Variants in LRP1B observed in about 807,000 individuals in gnomAD.
LRP1B encodes the protein low-density lipoprotein receptor-related protein 1B.
LRP1B carries 217 observed loss-of-function variants against 556.6 expected under a neutral mutation model. That is an observed-to-expected ratio of 0.39 (90% CI 0.35 to 0.44). LRP1B has a LOEUF of 0.44. LRP1B is among the 20% of genes least tolerant of loss of function. The probability of loss-of-function intolerance (pLI) is 1.00; values close to 1 mark genes in which losing one functional copy is unlikely to be tolerated. For synonymous variants in LRP1B, 2,047 were observed against 1,865.8 expected (o/e 1.10, Z -2.50); for missense variants, 5,053 against 5,620.8 (o/e 0.90, Z 3.23).
chr2:141,307,031 T>C (rs1003943345), intron 3 of LRP1B, among the ~76,000 whole-genome samples: 2 of 152,204 alleles, frequency 1.3e-5, no homozygotes, highest in Non-Finnish European at 2.9e-5. Context: ...AAATATGGTC[T>C]ATCTGGAGAA....
intron 2 of LRP1B, among the ~76,000 whole-genome samples, chr2:141,557,256 G>A (rs189090509): frequency 5.3e-5 from 8 of 151,740 alleles, no homozygotes; most frequent in East Asian, 1.9e-4. Context: ...AAACAACAAC[G>A]AAACGAAGAG....
chr2:140,424,548 T>C (rs1407785940), intron 66 of LRP1B, among the ~76,000 whole-genome samples: 1 of 152,228 alleles, frequency 6.6e-6, no homozygotes, highest in Admixed American at 6.5e-5. Context: ...TTTTAATAGA[T>C]GACCATCTCC....
At chr2:141,976,199 A>G (rs1222467927) in intron 1 of LRP1B, among the ~76,000 whole-genome samples, 4 of 152,146 alleles carry the variant, frequency 2.6e-5, no homozygotes, top group Non-Finnish European at 5.9e-5. Flanking sequence ...TGGAACATAT[A>G]GGAATATTTT....
chr2:140,547,196 C>G (rs2105036845), intron 43 of LRP1B, among the ~76,000 whole-genome samples: 1 of 152,192 alleles, frequency 6.6e-6, no homozygotes, highest in African/African-American at 2.4e-5. Context: ...TTCCCTCCTC[C>G]TCAATTTTTT....
intron 41 of LRP1B, among the ~76,000 whole-genome samples, chr2:140,661,741 T>G (rs567566041): frequency 5.1e-4 from 77 of 152,318 alleles, no homozygotes; most frequent in Non-Finnish European, 9.4e-4. Flanking sequence ...CTAATTGTCC[T>G]CTGGTAATTA....
rs1018278838 is a variant in LRP1B at position 141,459,427 on chromosome 2, G to C, written c.343+20969C>G. 7.2e-5 allele frequency among the ~76,000 whole-genome samples: 11 copies of C among 152,162 alleles called. No individual in the cohort carries two copies. The East Asian group carries it at 1.9e-3, about 27-fold the overall frequency. On this transcript the variant is annotated intron_variant, in intron 3 of 90. Coordinates refer to ENST00000389484, the MANE Select transcript of LRP1B (RefSeq NM_018557.3). ...AGAGAGCTAGTAAATGTCTGAGGCT[G>C]AATTGTGGGTGCAGGCATATGTTCC...
chr2:140,415,161 G>A (rs190202821), intron 66 of LRP1B, among the ~76,000 whole-genome samples: 91 of 152,250 alleles, frequency 6.0e-4, no homozygotes, highest in African/African-American at 1.8e-3. Context: ...TTCTCTGCTC[G>A]TGAAGGCTGT....
At chr2:140,388,606 A>T (rs1373901986) in intron 66 of LRP1B, among the ~76,000 whole-genome samples, 2 of 152,184 alleles carry the variant, frequency 1.3e-5, no homozygotes, top group Non-Finnish European at 2.9e-5. Context: ...AAGTTATACA[A>T]ATTTTATGTT....
chr2:142,085,957 G>A (rs139138355), intron 1 of LRP1B, among the ~76,000 whole-genome samples: 1 of 152,144 alleles, frequency 6.6e-6, no homozygotes, highest in Non-Finnish European at 1.5e-5. Context: ...AGTGTATCCT[G>A]CTCATTCTCC....
rs115923757 is a variant in LRP1B, at chr2:140,371,045, T to C, written c.10875+134A>G. On this transcript the variant is annotated intron_variant, in intron 70 of 90. Transcript: ENST00000389484. ...AAAATTCAGGTATTTGCTGAAATGA[T>C]TGCATTCAATGTACATATCTAACAT... is the stretch of plus-strand genomic sequence containing the variant. 230 of 779,674 alleles carry C rather than the reference T, an allele frequency of 2.9e-4. 1 individual carries two copies. The highest frequency in any genetic ancestry group is 2.5e-3 in the African/African-American group (143 of 56,778). 48.3% of individuals were successfully genotyped at this position (779,674 alleles called of 1,614,324 possible).
chr2:141,494,091 C>T (rs994847859), intron 2 of LRP1B, among the ~76,000 whole-genome samples: 3 of 152,188 alleles, frequency 2.0e-5, no homozygotes, highest in South Asian at 2.1e-4. Flanking sequence ...ACAGTTGCTA[C>T]GTCTTCCTGG....
At chr2:140,253,210 A>C (rs1308599107) in intron 86 of LRP1B, among the ~76,000 whole-genome samples, 1 of 152,086 alleles carries the variant, frequency 6.6e-6, no homozygotes, top group African/African-American at 2.4e-5. Flanking sequence ...AATACTGATA[A>C]GATCAGTAAG....
At chr2:141,301,271 T>C (rs990215918) in intron 3 of LRP1B, among the ~76,000 whole-genome samples, 5 of 152,184 alleles carry the variant, frequency 3.3e-5, no homozygotes, top group African/African-American at 1.2e-4. Context: ...TGGGAATAAA[T>C]ATTTTATCTA....
intron 7 of LRP1B, among the ~76,000 whole-genome samples, chr2:141,098,448 A>G (rs1700374684): frequency 6.6e-6 from 1 of 152,168 alleles, no homozygotes; most frequent in African/African-American, 2.4e-5. Context: ...AAAGTAAGTA[A>G]TGGTAGTAGA....
At chr2:141,922,789 C>T (rs909507474) in intron 1 of LRP1B, among the ~76,000 whole-genome samples, 3 of 152,032 alleles carry the variant, frequency 2.0e-5, no homozygotes, top group Admixed American at 1.3e-4. Flanking sequence ...CTTCAGTTCT[C>T]TCAGCTATAA....
At chr2:141,060,528 A>G (rs1699306051) in intron 8 of LRP1B, among the ~76,000 whole-genome samples, 1 of 151,738 alleles carries the variant, frequency 6.6e-6, no homozygotes, top group Admixed American at 6.6e-5. Flanking sequence ...TTCCTTTGCC[A>G]TTAGTCTCGT....
chr2:142,015,885 G>A (rs1365105800), intron 1 of LRP1B, among the ~76,000 whole-genome samples: 3 of 151,004 alleles, frequency 2.0e-5, no homozygotes, highest in African/African-American at 7.3e-5. Context: ...CCAGCTACTC[G>A]GGAGGCTGAG....
At chr2:141,165,511 T>A (rs1449257943) in intron 7 of LRP1B, among the ~76,000 whole-genome samples, 2 of 152,048 alleles carry the variant, frequency 1.3e-5, no homozygotes, top group Non-Finnish European at 2.9e-5. Context: ...ATTAGATTTA[T>A]ATTTGTCTCT....
intron 69 of LRP1B, among the ~76,000 whole-genome samples, chr2:140,371,547 A>T (rs1682995048): frequency 6.6e-6 from 1 of 151,242 alleles, no homozygotes; most frequent in South Asian, 2.1e-4. Flanking sequence ...AATAGTCCAT[A>T]GAAGGAAAAA....
Sources: allele counts gnomAD v4.1 joint callset (sites outside exome capture counted in the v4.1 genomes callset), GRCh38; gene constraint gnomAD v4.1.1; transcripts MANE v1.5; gene names NCBI Gene and HGNC (gene_info 2026-07-23, HGNC 2026-07-21).